Variants in STK39 observed in about 807,000 individuals in gnomAD.
STK39 encodes STE20/SPS1-related proline-alanine-rich protein kinase.
In STK39, 20 loss-of-function variants were observed where a neutral mutation model predicts 77.8. The ratio of observed to expected loss-of-function variants is 0.26; its 90% CI spans 0.18 to 0.37. The LOEUF (loss-of-function observed/expected upper bound fraction) is 0.37. STK39 is among the 10% of genes least tolerant of loss of function. The probability of loss-of-function intolerance (pLI) is 1.00; values close to 1 mark genes in which losing one functional copy is unlikely to be tolerated. For missense variants in STK39, 479 were observed against 656.5 expected (o/e 0.73, Z 2.95); for synonymous variants, 246 against 234.1 (o/e 1.05, Z -0.47).
intron 8 of STK39, among the ~76,000 whole-genome samples, chr2:168,133,188 C>T (rs59711987): frequency 0.014 from 2,164 of 152,220 alleles, 49 homozygotes; most frequent in African/African-American, 0.048. Flanking sequence ...CCAGGGATAC[C>T]TTGAGATACG....
At chr2:168,123,048 T>C (rs1687449153) in intron 10 of STK39, among the ~76,000 whole-genome samples, 1 of 152,218 alleles carries the variant, frequency 6.6e-6, no homozygotes, top group Non-Finnish European at 1.5e-5. Flanking sequence ...TGCCTCTTAA[T>C]ATGATACAGA....
At chr2:168,178,202 G>A (rs41500244) in intron 2 of STK39, among the ~76,000 whole-genome samples, 33,883 of 152,082 alleles carry the variant, frequency 0.22, 4,775 homozygotes, top group Non-Finnish European at 0.33. Flanking sequence ...AACAAATGTG[G>A]GGTTAACAAA....
At chr2:168,159,385 C>G (rs1183801876) in intron 5 of STK39, among the ~76,000 whole-genome samples, 1 of 152,146 alleles carries the variant, frequency 6.6e-6, no homozygotes, top group Non-Finnish European at 1.5e-5. Flanking sequence ...TCGCCTGTTT[C>G]ACCCACCGAC....
chr2:168,157,534 C>A (rs1374373543), intron 5 of STK39, among the ~76,000 whole-genome samples: 1 of 152,072 alleles, frequency 6.6e-6, no homozygotes, highest in South Asian at 2.1e-4. Flanking sequence ...ATTATGGCAT[C>A]GGCAGATTCA....
In STK39 at chr2:168,091,094, C is replaced by T. The variant is rs188374498; in HGVS notation, c.1090-15863G>A. Among the ~76,000 whole-genome samples, 373 of 152,056 alleles carry T rather than the reference C, an allele frequency of 2.5e-3. 1 individual carries two copies. Among genetic ancestry groups the T allele is most frequent in the Non-Finnish European group, 3.9e-3 (262 of 67,980 alleles). On this transcript the variant is annotated intron_variant, in intron 10 of 17. Coordinates refer to ENST00000355999, the MANE Select transcript of STK39 (RefSeq NM_013233.3). ...CCTTGTAATCAACTCATTTCACTAT[C>T]ATGCTGTCTGCAAAGGGCAGAGACT...
intron 5 of STK39, among the ~76,000 whole-genome samples, chr2:168,144,226 T>G (rs1688072518): frequency 6.6e-6 from 1 of 152,218 alleles, no homozygotes; most frequent in Non-Finnish European, 1.5e-5. Context: ...GCTAGACTAT[T>G]ACCCAACTGT....
intron 1 of STK39, among the ~76,000 whole-genome samples, chr2:168,245,913 T>C (rs955648370): frequency 6.6e-6 from 1 of 152,132 alleles, no homozygotes; most frequent in African/African-American, 2.4e-5. Flanking sequence ...CTTGTATATA[T>C]CCTAGGTTAC....
At chr2:168,046,732 A>G (rs1240728405) in intron 14 of STK39, among the ~76,000 whole-genome samples, 1 of 152,226 alleles carries the variant, frequency 6.6e-6, no homozygotes, top group African/African-American at 2.4e-5. Flanking sequence ...GCAACCCAAA[A>G]AGGGGAGAAA....
chr2:168,003,768 G>A lies in STK39; in HGVS notation c.1498+8866C>T, dbSNP rs61652912. Reference sequence around the variant, plus strand: ...CCACAAGCCTGTCTAAACCCAGAAAGGGCTTAAGGAGTTTTCTTCCTTTAT... The same window carrying A: ...CCACAAGCCTGTCTAAACCCAGAAAAGGCTTAAGGAGTTTTCTTCCTTTAT... On this transcript the variant is annotated intron_variant, in intron 16 of 17. Transcript: ENST00000355999. Among the ~76,000 whole-genome samples the A allele has an allele frequency of 7.3e-3, 1,115 of 152,274 alleles. 23 individuals carry two copies. Among genetic ancestry groups the A allele is most frequent in the African/African-American group, 0.026 (1,072 of 41,554 alleles).
chr2:168,236,074 G>A (rs1252421736), intron 1 of STK39, among the ~76,000 whole-genome samples: 1 of 151,798 alleles, frequency 6.6e-6, no homozygotes, highest in Non-Finnish European at 1.5e-5. Flanking sequence ...CCCACCAACA[G>A]TGTAAAAGTG....
At chr2:167,959,527 CT>C (rs1691884151) in intron 17 of STK39, among the ~76,000 whole-genome samples, 1 of 151,922 alleles carries the variant, frequency 6.6e-6, no homozygotes, top group South Asian at 2.1e-4. Context: ...GTCAGCTATT[CT>C]TTCAAGTAAA....
intron 10 of STK39, among the ~76,000 whole-genome samples, chr2:168,095,449 C>G (rs1177021029): frequency 6.6e-6 from 1 of 152,050 alleles, no homozygotes; most frequent in Non-Finnish European, 1.5e-5. Flanking sequence ...AAAGAACAAT[C>G]TTCAATTCTC....
intron 2 of STK39, among the ~76,000 whole-genome samples, chr2:168,178,937 A>G (rs1456448479): frequency 6.6e-6 from 1 of 152,116 alleles, no homozygotes; most frequent in Non-Finnish European, 1.5e-5. Context: ...TATGGGACAA[A>G]GGGAGTGGGG....
At chr2:168,094,472 T>C (rs1686609305) in intron 10 of STK39, among the ~76,000 whole-genome samples, 1 of 151,524 alleles carries the variant, frequency 6.6e-6, no homozygotes, top group Non-Finnish European at 1.5e-5. Flanking sequence ...CTTTGAAAAA[T>C]CACCCACTTG....
intron 1 of STK39, among the ~76,000 whole-genome samples, chr2:168,214,063 CAGT>C (rs1389267904): frequency 6.6e-6 from 1 of 152,112 alleles, no homozygotes; most frequent in Non-Finnish European, 1.5e-5. Context: ...CGGTGGACAA[CAGT>C]GGTGGAGCAG....
intron 16 of STK39, among the ~76,000 whole-genome samples, chr2:168,000,779 T>C (rs1340756297): frequency 1.3e-5 from 2 of 152,186 alleles, no homozygotes; most frequent in Admixed American, 6.5e-5. Flanking sequence ...AAATGAGCCA[T>C]GAACGTGACT....
intron 1 of STK39, among the ~76,000 whole-genome samples, chr2:168,210,418 A>G: frequency 6.6e-6 from 1 of 152,200 alleles, no homozygotes; most frequent in East Asian, 1.9e-4. Context: ...TAAAATTTCT[A>G]ACTTAGAGAT....
chr2:168,095,730 C>T (rs189699708), intron 10 of STK39, among the ~76,000 whole-genome samples: 2 of 151,448 alleles, frequency 1.3e-5, no homozygotes, highest in East Asian at 3.9e-4. Flanking sequence ...GGGTTCACGC[C>T]ATTATCCTGC....
intron 10 of STK39, among the ~76,000 whole-genome samples, chr2:168,112,507 G>A (rs535597581): frequency 8.5e-5 from 13 of 152,162 alleles, no homozygotes; most frequent in South Asian, 4.2e-4. Flanking sequence ...TGTAAGATGC[G>A]TCTTGCTTCC....
Sources: gnomAD v4.1 joint callset for allele counts (sites outside exome capture counted in the v4.1 genomes callset) on GRCh38, gnomAD v4.1.1 for gene constraint, MANE v1.5 for transcripts, NCBI Gene and HGNC (gene_info 2026-07-23, HGNC 2026-07-21) for gene names.